The following MASP1 variants were observed in gnomAD, a reference collection of about 807,000 sequenced individuals.
MASP1 encodes the protein mannan-binding lectin serine protease 1.
A neutral mutation model predicts 77.1 loss-of-function variants in MASP1; 59 were observed. That is an observed-to-expected ratio of 0.77 (90% confidence interval 0.62 to 0.95). The LOEUF (loss-of-function observed/expected upper bound fraction) is 0.95. Among genes scored for constraint, MASP1 ranks in the 40% least tolerant of loss-of-function variants. MASP1 has a pLI of 0.00. For missense variants in MASP1, 885 were observed against 912.9 expected (o/e 0.97, Z 0.39); for synonymous variants, 362 against 354.5 (o/e 1.02, Z -0.24).
chr3:187,271,449 C>T (rs1716509793), intron 2 of MASP1, among the ~76,000 whole-genome samples: 1 of 152,054 alleles, frequency 6.6e-6, no homozygotes, highest in South Asian at 2.1e-4. Context: ...CTTCTAAATA[C>T]AAGGCAGCCA....
chr3:187,225,145 T>C (rs1462039832), intron 13 of MASP1, among the ~76,000 whole-genome samples: 1 of 152,250 alleles, frequency 6.6e-6, no homozygotes, highest in Non-Finnish European at 1.5e-5. Flanking sequence ...TACTATGTGC[T>C]TCCCACAACT....
intron 3 of MASP1, among the ~76,000 whole-genome samples, chr3:187,261,220 C>A (rs938174984): frequency 2.6e-5 from 4 of 152,160 alleles, no homozygotes; most frequent in African/African-American, 9.7e-5. Context: ...CATTCTGTTA[C>A]TAGTCACATT....
chr3:187,224,536 C>A (rs529546228), intron 13 of MASP1, among the ~76,000 whole-genome samples: 8 of 151,668 alleles, frequency 5.3e-5, no homozygotes, highest in South Asian at 2.1e-4. Context: ...TTAGTAGAGA[C>A]GGGGTTTCAC....
At chr3:187,240,472 GC>G (rs1292466418) in intron 10 of MASP1, among the ~76,000 whole-genome samples, 1 of 151,610 alleles carries the variant, frequency 6.6e-6, no homozygotes, top group African/African-American at 2.4e-5. Context: ...TGCCATTCTT[GC>G]TTTTTTTTAA....
intron 2 of MASP1, among the ~76,000 whole-genome samples, chr3:187,284,585 A>G (rs567386207): frequency 6.6e-6 from 1 of 152,342 alleles, no homozygotes; most frequent in African/African-American, 2.4e-5. Flanking sequence ...ACAATACTCT[A>G]CATATAAAAT....
chr3:187,248,793 CATGCTAG>C, intron 8 of MASP1, among the ~76,000 whole-genome samples: 1 of 152,298 alleles, frequency 6.6e-6, no homozygotes, highest in Non-Finnish European at 1.5e-5. Flanking sequence ...CCTCCTTCCC[CATGCTAG>C]GCTCTGACTC....
intron 8 of MASP1, among the ~76,000 whole-genome samples, chr3:187,249,266 C>G (rs1277648873): frequency 6.6e-6 from 1 of 152,142 alleles, no homozygotes; most frequent in Non-Finnish European, 1.5e-5. Flanking sequence ...CCATGTTGGC[C>G]AGGCTGGTCT....
rs116595107 is a variant in MASP1 at position 187,251,637 on chromosome 3, C to T, written c.1008G>A (p.Leu336=). 1.9e-6 allele frequency: 3 copies of T among 1,613,790 alleles called. No homozygotes were observed. Among genetic ancestry groups the T allele is most frequent in the East Asian group, 2.2e-5 (1 of 44,882 alleles). Residue 336 remains leucine, a synonymous_variant, in exon 7 of 11, where the codon CTG becomes CTA. Coordinates refer to ENST00000296280, the MANE Select transcript of MASP1 (RefSeq NM_139125.4). Reference sequence around the variant, plus strand: ...TTTCCCAGGCAAGGCTCTGCACCTTCAGCACTTTGTAGCCTGTGTCACAGC... The same window carrying T: ...TTTCCCAGGCAAGGCTCTGCACCTTTAGCACTTTGTAGCCTGTGTCACAGC... ...LVSCDTGYKV[L]KDNVEMDTFQ... is the part of the protein sequence containing the mutation.
intron 4 of MASP1, among the ~76,000 whole-genome samples, chr3:187,257,585 A>G (rs1454541128): frequency 6.6e-6 from 1 of 152,144 alleles, no homozygotes; most frequent in South Asian, 2.1e-4. Flanking sequence ...GGGTCTTGCT[A>G]TGTTGCCTAG....
intron 3 of MASP1, among the ~76,000 whole-genome samples, chr3:187,261,538 C>T (rs1715579477): frequency 6.6e-6 from 1 of 152,188 alleles, no homozygotes; most frequent in African/African-American, 2.4e-5. Flanking sequence ...TACATACTCA[C>T]CAGAGTGATT....
chr3:187,244,747 T>C (rs1713944098), intron 8 of MASP1: 1 of 152,230 alleles, frequency 6.6e-6, no homozygotes, highest in Non-Finnish European at 1.5e-5. Flanking sequence ...TTAAATGGCC[T>C]ATTCTAGGTA....
At chr3:187,264,194 T>G (rs1319724880) in intron 2 of MASP1, among the ~76,000 whole-genome samples, 1 of 152,230 alleles carries the variant, frequency 6.6e-6, no homozygotes, top group Admixed American at 6.5e-5. Context: ...AGAAAAACAA[T>G]TTGCCCTGGC....
downstream of MASP1, among the ~76,000 whole-genome samples, chr3:187,230,343 A>G (rs892304195): frequency 6.6e-6 from 1 of 152,234 alleles, no homozygotes; most frequent in African/African-American, 2.4e-5. Flanking sequence ...AGAATGATGA[A>G]GAAAAGTGGA....
chr3:187,230,485 T>C (rs1184557266), downstream of MASP1, among the ~76,000 whole-genome samples: 1 of 152,202 alleles, frequency 6.6e-6, no homozygotes, highest in African/African-American at 2.4e-5. Context: ...TTTTTCCCCT[T>C]AAGCTGCTTA....
chr3:187,288,395 G>A (rs1718027576), intron 1 of MASP1, among the ~76,000 whole-genome samples: 1 of 152,222 alleles, frequency 6.6e-6, no homozygotes, highest in Admixed American at 6.5e-5. Flanking sequence ...GCCCTGCTGA[G>A]GAGGGGAGGG....
intron 8 of MASP1, among the ~76,000 whole-genome samples, chr3:187,245,306 C>T (rs1713983522): frequency 6.6e-6 from 1 of 152,180 alleles, no homozygotes; most frequent in Non-Finnish European, 1.5e-5. Flanking sequence ...ATTGGTATCA[C>T]TCATCTCCCT....
At chr3:187,282,889 G>A (rs1027960144) in intron 2 of MASP1, among the ~76,000 whole-genome samples, 3 of 152,218 alleles carry the variant, frequency 2.0e-5, no homozygotes, top group Non-Finnish European at 4.4e-5. Context: ...CTGGAAAATT[G>A]TCCCAACTCA....
Position 187,245,298 on chromosome 3 carries a change from T to A in MASP1, c.1091-1677A>T, listed in dbSNP as rs11914570. Among the ~76,000 whole-genome samples the A allele has an allele frequency of 7.8e-3, 1,181 of 152,312 alleles. 14 individuals carry two copies. The highest frequency in any genetic ancestry group is 0.022 in the African/African-American group (911 of 41,544). ...TGCCATTGACTTGGTGCCTAGGTATTGGTATCACTCATCTCCCTTAACTTT... is the reference window on the plus strand; with the variant it reads ...TGCCATTGACTTGGTGCCTAGGTATAGGTATCACTCATCTCCCTTAACTTT... On this transcript the variant is annotated intron_variant, in intron 8 of 10. Coordinates refer to ENST00000296280, the MANE Select transcript of MASP1 (RefSeq NM_139125.4).
chr3:187,229,210 A>C (rs143691480), downstream of MASP1, among the ~76,000 whole-genome samples: 749 of 152,298 alleles, frequency 4.9e-3, 1 homozygote, highest in African/African-American at 0.017. Context: ...CAAAGGTGAC[A>C]GTCCTATTTC....
Sources: gnomAD v4.1 joint callset for allele counts (sites outside exome capture counted in the v4.1 genomes callset) on GRCh38, gnomAD v4.1.1 for gene constraint, MANE v1.5 for transcripts, NCBI Gene and HGNC (gene_info 2026-07-23, HGNC 2026-07-21) for gene names.